Variants in NUBPL observed in about 807,000 individuals in gnomAD.
NUBPL encodes NUBP iron-sulfur cluster assembly factor, mitochondrial.
In NUBPL, 31 loss-of-function variants were observed where a neutral mutation model predicts 45.7. The observed-to-expected ratio is 0.68, with a 90% CI of 0.51 to 0.92. The LOEUF is 0.92. Ranked by LOEUF, NUBPL falls within the 40% of genes least tolerant of loss-of-function variation. The probability of loss-of-function intolerance (pLI) is 0.00; values close to 1 mark genes in which losing one functional copy is unlikely to be tolerated. For missense variants in NUBPL, 401 were observed against 398.7 expected, an observed-to-expected ratio of 1.01 and a Z score of -0.05; for synonymous variants, 144 against 140.9, an observed-to-expected ratio of 1.02 and a Z score of -0.15.
chr14:31,787,705 A>AC (rs2039308652), intron 6 of NUBPL, 75 bp from the exon 7 acceptor site: 3 of 953,862 alleles, frequency 3.1e-6, no homozygotes, highest in Non-Finnish European at 3.4e-6. Context: ...TTTGTTATTA[A>AC]CACATTAATT....
At chr14:31,834,622 A>G (rs1190571679) in intron 8 of NUBPL, among the ~76,000 whole-genome samples, 2 of 152,174 alleles carry the variant, frequency 1.3e-5, no homozygotes, top group Non-Finnish European at 2.9e-5. Flanking sequence ...CTGGAGATAT[A>G]TGCTTATTTG....
At chr14:31,752,564 A>T (rs1305749751) in intron 6 of NUBPL, among the ~76,000 whole-genome samples, 1 of 152,242 alleles carries the variant, frequency 6.6e-6, no homozygotes, top group Non-Finnish European at 1.5e-5. Context: ...TTCATTGTCC[A>T]TATTACTATC....
At chr14:31,848,626 C>T (rs190078382) in intron 9 of NUBPL, among the ~76,000 whole-genome samples, 59 of 152,314 alleles carry the variant, frequency 3.9e-4, no homozygotes, top group African/African-American at 1.3e-3. Context: ...AAAAATACTT[C>T]TCAGGCTCAG....
chr14:31,788,158 T>C (rs900997912), intron 7 of NUBPL, among the ~76,000 whole-genome samples: 16 of 152,148 alleles, frequency 1.1e-4, no homozygotes, highest in Non-Finnish European at 2.2e-4. Context: ...GAACAGAGAA[T>C]TTATTGAAGA....
Position 31,739,112 on chromosome 14 carries a change from C to T in NUBPL, c.514-48668C>T, listed in dbSNP as rs778216411. ...CACTGCAACCTCCGCCTCCTGGGTT[C>T]GAGCAATTCTCCTGCCTCAGCCTCC... On this transcript the variant is annotated intron_variant, in intron 6 of 10. Coordinates refer to ENST00000281081, the MANE Select transcript of NUBPL (RefSeq NM_025152.3). Among the ~76,000 whole-genome samples the T allele has an allele frequency of 6.0e-5, 9 of 148,920 alleles. No homozygotes were observed. The East Asian group carries it at 1.4e-3, about 22-fold the overall frequency.
intron 6 of NUBPL, among the ~76,000 whole-genome samples, chr14:31,708,706 C>G (rs1473969734): frequency 6.6e-6 from 1 of 152,130 alleles, no homozygotes; most frequent in East Asian, 1.9e-4. Flanking sequence ...TTTCCTGGCC[C>G]TCAATGGTTA....
At chr14:31,807,378 A>T (rs2039710723) in intron 7 of NUBPL, among the ~76,000 whole-genome samples, 1 of 152,118 alleles carries the variant, frequency 6.6e-6, no homozygotes, top group Non-Finnish European at 1.5e-5. Context: ...ACCAGTGATG[A>T]TGAGCATTTT....
intron 8 of NUBPL, among the ~76,000 whole-genome samples, chr14:31,829,592 A>G (rs1423649584): frequency 6.6e-6 from 1 of 152,178 alleles, no homozygotes; most frequent in Non-Finnish European, 1.5e-5. Flanking sequence ...TAAATACAAA[A>G]AAAGATGTTA....
intron 6 of NUBPL, among the ~76,000 whole-genome samples, chr14:31,686,368 C>G (rs2036952830): frequency 6.6e-6 from 1 of 152,010 alleles, no homozygotes; most frequent in South Asian, 2.1e-4. Context: ...TATGAAACAC[C>G]TGGAATGAGG....
chr14:31,768,493 T>C (rs1342345856), intron 6 of NUBPL, among the ~76,000 whole-genome samples: 2 of 152,224 alleles, frequency 1.3e-5, no homozygotes, highest in African/African-American at 2.4e-5. Flanking sequence ...CTTAAAAGTA[T>C]GCCATTTAGA....
At chr14:31,608,496 G>A (rs776754038) in intron 4 of NUBPL, among the ~76,000 whole-genome samples, 1 of 152,130 alleles carries the variant, frequency 6.6e-6, no homozygotes, top group Non-Finnish European at 1.5e-5. Context: ...AGAGGTTGCA[G>A]TGAGCCGAGA....
At chr14:31,639,041 A>G (rs1011989103) in intron 4 of NUBPL, among the ~76,000 whole-genome samples, 4 of 152,058 alleles carry the variant, frequency 2.6e-5, no homozygotes, top group Non-Finnish European at 4.4e-5. Context: ...GTTTCCTCCC[A>G]TAGCTCGGAG....
chr14:31,717,491 A>G (rs560794784), intron 6 of NUBPL, among the ~76,000 whole-genome samples: 1 of 152,266 alleles, frequency 6.6e-6, no homozygotes, highest in African/African-American at 2.4e-5. Flanking sequence ...CATTCCAGAC[A>G]GTGCTCTGTG....
intron 4 of NUBPL, among the ~76,000 whole-genome samples, chr14:31,652,386 C>A (rs563547181): frequency 2.0e-5 from 3 of 152,212 alleles, no homozygotes; most frequent in African/African-American, 7.2e-5. Context: ...AGCGTGGGGA[C>A]TGTAGTTAAA....
chr14:31,826,130 T>C (rs547211552), intron 7 of NUBPL, among the ~76,000 whole-genome samples: 79 of 152,258 alleles, frequency 5.2e-4, no homozygotes, highest in Non-Finnish European at 8.7e-4. Context: ...TTATTTTATT[T>C]TTTGTTTTGA....
chr14:31,712,299 CA>C (rs1207464452), intron 6 of NUBPL, among the ~76,000 whole-genome samples: 1 of 152,262 alleles, frequency 6.6e-6, no homozygotes, highest in Non-Finnish European at 1.5e-5. Context: ...CCACCCAACC[CA>C]GAAGCCCAGA....
chr14:31,565,032 T>C lies in NUBPL; in HGVS notation c.275T>C (p.Leu92Pro), dbSNP rs2033399945. Reference sequence around the variant, plus strand: ...CTTACAGTGAATCTTGCACTTGCACTAGCAGCGAACGATTCGGTAGGTGTT... The same window carrying C: ...CTTACAGTGAATCTTGCACTTGCACCAGCAGCGAACGATTCGGTAGGTGTT... ...STTAVNLALA[L>P]AANDSSKAIG... The change falls in exon 3 of 11, where the codon CTA (leucine) becomes CCA (proline). Residue 92 changes from leucine (L) to proline (P), a missense_variant. Physicochemically the swap from Leu to Pro is moderately conservative, Grantham distance 98 (BLOSUM62 -3). Transcript: ENST00000281081. The C allele has an allele frequency of 2.6e-6, 4 of 1,559,442 alleles. No individual in the cohort carries two copies. Among genetic ancestry groups the C allele is most frequent in the Non-Finnish European group, 3.5e-6 (4 of 1,139,848 alleles).
intron 4 of NUBPL, among the ~76,000 whole-genome samples, chr14:31,648,161 G>A (rs2035906145): frequency 6.6e-6 from 1 of 152,192 alleles, no homozygotes; most frequent in Non-Finnish European, 1.5e-5. Flanking sequence ...AAGAAAAGGA[G>A]GCAGAGTCCA....
chr14:31,695,837 G>C (rs146267150), intron 6 of NUBPL, among the ~76,000 whole-genome samples: 3 of 152,184 alleles, frequency 2.0e-5, no homozygotes, highest in African/African-American at 4.8e-5. Flanking sequence ...AACACCGCCT[G>C]AGTCATTTGT....
Sources: allele counts gnomAD v4.1 joint callset (sites outside exome capture counted in the v4.1 genomes callset), GRCh38; gene constraint gnomAD v4.1.1; transcripts MANE v1.5; gene names NCBI Gene and HGNC (gene_info 2026-07-23, HGNC 2026-07-21).